The following ESRRG variants were observed in gnomAD, a reference collection of about 807,000 sequenced individuals.
The protein encoded by ESRRG is estrogen-related receptor gamma.
A neutral mutation model predicts 44.0 loss-of-function variants in ESRRG; 13 were observed. That is an observed-to-expected ratio of 0.30 (90% CI 0.19 to 0.47). The LOEUF (loss-of-function observed/expected upper bound fraction) is 0.47, where lower values mean the gene tolerates loss of function less well. Ranked by LOEUF, ESRRG falls within the 20% of genes least tolerant of loss-of-function variation. The pLI is 1.00. For synonymous variants in ESRRG, 215 were observed against 214.6 expected, an observed-to-expected ratio of 1.00 and a Z score of -0.02; for missense variants, 395 against 580.6, an observed-to-expected ratio of 0.68 and a Z score of 3.29.
intron 5 of ESRRG, among the ~76,000 whole-genome samples, chr1:216,533,801 C>G (rs148815112): frequency 8.9e-4 from 136 of 152,230 alleles, no homozygotes; most frequent in African/African-American, 3.1e-3. Flanking sequence ...CAGCTACTAG[C>G]ACCTTTTAAT....
intron 1 of ESRRG, among the ~76,000 whole-genome samples, chr1:217,032,567 G>C (rs2082233620): frequency 6.6e-6 from 1 of 152,136 alleles, no homozygotes; most frequent in Admixed American, 6.5e-5. Context: ...ACATGATCCA[G>C]CTTCTAAAGA....
chr1:216,871,737 C>A (rs1319535435), intron 2 of ESRRG, among the ~76,000 whole-genome samples: 1 of 151,998 alleles, frequency 6.6e-6, no homozygotes, highest in African/African-American at 2.4e-5. Flanking sequence ...TCCCCTTTAT[C>A]CTTTCCTCTT....
At chr1:216,665,101 A>C (rs1197444602) in intron 2 of ESRRG, among the ~76,000 whole-genome samples, 2 of 152,168 alleles carry the variant, frequency 1.3e-5, no homozygotes, top group African/African-American at 4.8e-5. Flanking sequence ...AGTACAGTAA[A>C]ATATTTTGAG....
In ESRRG at chr1:216,765,141, T is replaced by C. The variant is rs113059092; in HGVS notation, c.-13-87650A>G. Among the ~76,000 whole-genome samples, 370 of 152,120 alleles carry C rather than the reference T, an allele frequency of 2.4e-3. 1 individual carries two copies. The highest frequency in any genetic ancestry group is 8.3e-3 in the African/African-American group (345 of 41,508). ...GAAAACCCAGGAGCCCCATTACCAA[T>C]ATTTGTCTTATTTAAGGCTGGAGAT... On this transcript the variant is annotated intron_variant, in intron 2 of 7. Coordinates refer to the ESRRG transcript ENST00000359162.
At chr1:216,577,374 AT>A (rs1484670751) in intron 3 of ESRRG, among the ~76,000 whole-genome samples, 1 of 152,102 alleles carries the variant, frequency 6.6e-6, no homozygotes, top group African/African-American at 2.4e-5. Context: ...AGATGGGTGA[AT>A]ATTCTCTTTA....
chr1:216,890,242 G>A (rs2057591774), intron 2 of ESRRG, among the ~76,000 whole-genome samples: 1 of 152,086 alleles, frequency 6.6e-6, no homozygotes. Context: ...TCCAGCCTGG[G>A]TGACAGAGTG....
chr1:216,685,287 G>C (rs931342045), intron 1 of ESRRG, among the ~76,000 whole-genome samples: 2 of 152,072 alleles, frequency 1.3e-5, no homozygotes, highest in African/African-American at 4.8e-5. Context: ...TTAAAATGAA[G>C]CTTACAATAT....
intron 5 of ESRRG, among the ~76,000 whole-genome samples, chr1:216,533,292 T>G (rs879347544): frequency 7.3e-5 from 11 of 150,920 alleles, no homozygotes; most frequent in Non-Finnish European, 1.5e-4. Context: ...AGGTATATAT[T>G]AGATGTGACA....
chr1:216,534,231 C>G (rs928517963), intron 5 of ESRRG, among the ~76,000 whole-genome samples: 5 of 152,088 alleles, frequency 3.3e-5, no homozygotes, highest in African/African-American at 1.2e-4. Flanking sequence ...TTATAAAAGA[C>G]AGCAAAACCC....
intron 1 of ESRRG, among the ~76,000 whole-genome samples, chr1:217,014,134 T>C (rs1168079262): frequency 2.6e-5 from 4 of 152,090 alleles, no homozygotes; most frequent in Non-Finnish European, 4.4e-5. Flanking sequence ...CTGTGGGTGT[T>C]TGGGTTCTTA....
chr1:217,034,776 A>C (rs1464901083), intron 1 of ESRRG, among the ~76,000 whole-genome samples: 1 of 152,208 alleles, frequency 6.6e-6, no homozygotes, highest in East Asian at 1.9e-4. Flanking sequence ...ACCAGGCTGC[A>C]GTGCACCATA....
At chr1:216,536,937 G>A (rs1003603531) in intron 5 of ESRRG, among the ~76,000 whole-genome samples, 3 of 152,028 alleles carry the variant, frequency 2.0e-5, no homozygotes, top group Non-Finnish European at 4.4e-5. Flanking sequence ...CTGGGATGGG[G>A]CATGGGGAAA....
chr1:217,002,252 A>G (rs1203571984), intron 1 of ESRRG, among the ~76,000 whole-genome samples: 3 of 149,078 alleles, frequency 2.0e-5, no homozygotes, highest in Non-Finnish European at 4.4e-5. Context: ...CAGTGAGCCG[A>G]GATAGTGCCA....
intron 5 of ESRRG, among the ~76,000 whole-genome samples, chr1:216,560,059 T>A (rs1282107162): frequency 6.6e-6 from 1 of 152,164 alleles, no homozygotes; most frequent in Non-Finnish European, 1.5e-5. Flanking sequence ...AAAAAATGTT[T>A]CAGGGCAAAT....
At chr1:217,043,486 T>C (rs2084255864) in intron 1 of ESRRG, among the ~76,000 whole-genome samples, 1 of 152,192 alleles carries the variant, frequency 6.6e-6, no homozygotes, top group Admixed American at 6.5e-5. Context: ...TTTCCTAAAA[T>C]GAAACACGTC....
At chr1:216,662,355 T>C (rs183717912) in intron 2 of ESRRG, among the ~76,000 whole-genome samples, 8 of 152,194 alleles carry the variant, frequency 5.3e-5, no homozygotes, top group East Asian at 3.9e-4. Flanking sequence ...GAGTATGCCA[T>C]GGACTCAGTC....
intron 3 of ESRRG, among the ~76,000 whole-genome samples, chr1:216,588,479 G>A (rs2057071549): frequency 6.6e-6 from 1 of 152,044 alleles, no homozygotes; most frequent in Non-Finnish European, 1.5e-5. Context: ...TTATGTTCTA[G>A]ATATTTCAAA....
chr1:217,065,003 G>T (rs2151390459), intron 1 of ESRRG, among the ~76,000 whole-genome samples: 1 of 152,268 alleles, frequency 6.6e-6, no homozygotes, highest in Admixed American at 6.5e-5. Flanking sequence ...ATGTGAGAAT[G>T]CCACATTTTC....
chr1:217,002,968 T>C (rs558549032), intron 1 of ESRRG, among the ~76,000 whole-genome samples: 10 of 152,286 alleles, frequency 6.6e-5, no homozygotes, highest in African/African-American at 2.4e-4. Flanking sequence ...CTCAGTATTA[T>C]TTTAAGCCAT....
Sources: allele counts gnomAD v4.1 joint callset (sites outside exome capture counted in the v4.1 genomes callset), GRCh38; gene constraint gnomAD v4.1.1; transcripts MANE v1.5; gene names NCBI Gene and HGNC (gene_info 2026-07-23, HGNC 2026-07-21).